The following GRIK4 variants were observed in gnomAD, a reference collection of about 807,000 sequenced individuals.
The protein encoded by GRIK4 is glutamate receptor ionotropic, kainate 4.
Under a neutral mutation model 104.9 loss-of-function variants are expected in GRIK4, and 40 were observed. The observed-to-expected ratio is 0.38, with a 90% CI of 0.30 to 0.50. The LOEUF (loss-of-function observed/expected upper bound fraction) is 0.50, where lower values mean the gene tolerates loss of function less well. Among genes scored for constraint, GRIK4 ranks in the 20% least tolerant of loss-of-function variants. The probability of loss-of-function intolerance (pLI) is 0.93; values close to 1 mark genes in which losing one functional copy is unlikely to be tolerated. For missense variants in GRIK4, 1,047 were observed against 1,308.1 expected, an observed-to-expected ratio of 0.80 and a Z score of 3.08; for synonymous variants, 485 against 524.9, an observed-to-expected ratio of 0.92 and a Z score of 1.04.
intron 1 of GRIK4, among the ~76,000 whole-genome samples, chr11:120,517,909 C>T (rs1947750554): frequency 6.6e-6 from 1 of 152,120 alleles, no homozygotes. Context: ...AAATCAATAG[C>T]CCAGAGGAGG....
intron 1 of GRIK4, among the ~76,000 whole-genome samples, chr11:120,531,742 A>G (rs1947926070): frequency 6.6e-6 from 1 of 151,774 alleles, no homozygotes; most frequent in African/African-American, 2.4e-5. Context: ...TGCCCAGCTA[A>G]TTTTTGTATT....
chr11:120,603,825 G>A (rs923755916), intron 1 of GRIK4, among the ~76,000 whole-genome samples: 4 of 152,068 alleles, frequency 2.6e-5, no homozygotes, highest in African/African-American at 4.8e-5. Flanking sequence ...GGTGGAGGTG[G>A]GGGAAGCTGC....
chr11:120,602,408 G>T (rs551246449), intron 1 of GRIK4, among the ~76,000 whole-genome samples: 1 of 152,274 alleles, frequency 6.6e-6, no homozygotes, highest in South Asian at 2.1e-4. Flanking sequence ...CTGGGAATGG[G>T]TGGGTAGCCA....
chr11:120,883,960 G>A (rs1955046434), intron 11 of GRIK4, among the ~76,000 whole-genome samples: 1 of 152,188 alleles, frequency 6.6e-6, no homozygotes, highest in Non-Finnish European at 1.5e-5. Context: ...TCTGATGGGA[G>A]GTGGGCCAGG....
intron 13 of GRIK4, among the ~76,000 whole-genome samples, chr11:120,911,775 G>A (rs1281433739): frequency 6.7e-6 from 1 of 149,040 alleles, no homozygotes; most frequent in Non-Finnish European, 1.5e-5. Context: ...CTGGGAGGTG[G>A]AGGTTGCAGT....
intron 11 of GRIK4, among the ~76,000 whole-genome samples, chr11:120,887,747 G>A (rs1383453649): frequency 1.3e-5 from 2 of 152,170 alleles, no homozygotes; most frequent in South Asian, 2.1e-4. Context: ...ACAGGAGAGG[G>A]GCGTGAAACA....
chr11:120,760,840 G>A (rs1030840199), intron 3 of GRIK4, among the ~76,000 whole-genome samples: 1 of 151,602 alleles, frequency 6.6e-6, no homozygotes, highest in Non-Finnish European at 1.5e-5. Flanking sequence ...TTTTTATTCA[G>A]TCTGTCATTG....
intron 1 of GRIK4, among the ~76,000 whole-genome samples, chr11:120,625,172 G>A (rs1949242159): frequency 6.6e-6 from 1 of 152,194 alleles, no homozygotes; most frequent in South Asian, 2.1e-4. Flanking sequence ...CTACTCGGGA[G>A]GCTGAGGCGG....
At chr11:120,700,518 G>A (rs1184071394) in intron 3 of GRIK4, among the ~76,000 whole-genome samples, 1 of 151,474 alleles carries the variant, frequency 6.6e-6, no homozygotes, top group Non-Finnish European at 1.5e-5. Flanking sequence ...GGGTGCAGTG[G>A]CGTGATCTCG....
chr11:120,871,858 G>T (rs904165963), intron 9 of GRIK4: 1 of 456,270 alleles, frequency 2.2e-6, no homozygotes, highest in South Asian at 1.5e-5. Context: ...TTTGTGATGC[G>T]GGTGAACTTG....
At chr11:120,661,849 AAAAC>A (rs541431122) in intron 3 of GRIK4, among the ~76,000 whole-genome samples, 12 of 152,242 alleles carry the variant, frequency 7.9e-5, no homozygotes, top group Non-Finnish European at 1.3e-4. Context: ...AAGAAATTAA[AAAAC>A]AAAATTTTCC....
In GRIK4 at chr11:120,902,692, T is replaced by C. The variant is rs934277112; in HGVS notation, c.1273-2598T>C. 2.6e-5 allele frequency among the ~76,000 whole-genome samples: 4 copies of C among 151,914 alleles called. No individual in the cohort carries two copies. The highest frequency in any genetic ancestry group is 6.6e-5 in the Admixed American group (1 of 15,246). ...TAGAGCAGGCGCAAATCGGAAAACA[T>C]TGGAGGGTGATTGTGTGGGCCCTGG... On this transcript the variant is annotated intron_variant, in intron 12 of 20. Transcript: ENST00000527524. This position sits in a 1 kb window ranked among gnomAD's most constrained non-coding sequence, Gnocchi z 4.5.
chr11:120,759,017 A>G (rs185762211), intron 3 of GRIK4, among the ~76,000 whole-genome samples: 1 of 152,314 alleles, frequency 6.6e-6, no homozygotes, highest in Admixed American at 6.5e-5. Context: ...GATGTGTGTT[A>G]CAAAAGAGAG....
At chr11:120,835,557 G>C (rs1159700396) in intron 7 of GRIK4, among the ~76,000 whole-genome samples, 1 of 132,588 alleles carries the variant, frequency 7.5e-6, no homozygotes, top group African/African-American at 2.6e-5. Flanking sequence ...AAAAAAAGAA[G>C]CTCACAAAAT....
chr11:120,657,581 A>G (rs1435206773), intron 2 of GRIK4, among the ~76,000 whole-genome samples: 1 of 152,234 alleles, frequency 6.6e-6, no homozygotes, highest in East Asian at 1.9e-4. Context: ...TAAGGAGCAC[A>G]TACTGATCCC....
At chr11:120,567,713 A>G (rs763541994) in intron 1 of GRIK4, among the ~76,000 whole-genome samples, 1 of 152,190 alleles carries the variant, frequency 6.6e-6, no homozygotes, top group South Asian at 2.1e-4. Flanking sequence ...GGAAGCCCAC[A>G]TTCCCTTCTC....
At chr11:120,626,776 A>G (rs531158698) in intron 1 of GRIK4, among the ~76,000 whole-genome samples, 1 of 152,298 alleles carries the variant, frequency 6.6e-6, no homozygotes, top group African/African-American at 2.4e-5. Context: ...CTCTTGCTGG[A>G]CTTCTGTGCT....
At chr11:120,564,967 C>T (rs910853892) in intron 1 of GRIK4, among the ~76,000 whole-genome samples, 1 of 132,820 alleles carries the variant, frequency 7.5e-6, no homozygotes, top group African/African-American at 3.0e-5. Flanking sequence ...CGATCGGCTC[C>T]GCCGGCTGCG....
intron 8 of GRIK4, among the ~76,000 whole-genome samples, chr11:120,840,960 G>T (rs1409734672): frequency 1.3e-5 from 2 of 152,016 alleles, no homozygotes; most frequent in Non-Finnish European, 2.9e-5. Flanking sequence ...ATTCTAGCTA[G>T]GTGCCTCATA....
Sources: allele counts gnomAD v4.1 joint callset (sites outside exome capture counted in the v4.1 genomes callset), GRCh38; gene constraint gnomAD v4.1.1; non-coding constraint Gnocchi (gnomAD v3.1); transcripts MANE v1.5; gene names NCBI Gene and HGNC (gene_info 2026-07-23, HGNC 2026-07-21).